Variants in SH3BP4 observed in about 807,000 individuals in gnomAD.
The protein encoded by SH3BP4 is SH3 domain-binding protein 4.
SH3BP4 carries 33 observed loss-of-function variants against 65.5 expected under a neutral mutation model. That is an observed-to-expected ratio of 0.50 (90% CI 0.38 to 0.67). SH3BP4 has a LOEUF of 0.67. SH3BP4 is among the 30% of genes least tolerant of loss of function. The pLI, the probability that SH3BP4 is intolerant of heterozygous loss-of-function variation, is 0.00. For missense variants in SH3BP4, 1,134 were observed against 1,261.4 expected (o/e 0.90, Z 1.53); for synonymous variants, 552 against 545.5 (o/e 1.01, Z -0.17).
intron 1 of SH3BP4, among the ~76,000 whole-genome samples, chr2:234,988,141 C>T (rs891981194): frequency 1.3e-5 from 2 of 152,092 alleles, no homozygotes; most frequent in African/African-American, 4.8e-5. Context: ...CTCACTGCAT[C>T]CTTCGCCTCC....
chr2:235,029,459 C>T (rs1293983004), intron 2 of SH3BP4, among the ~76,000 whole-genome samples: 1 of 152,186 alleles, frequency 6.6e-6, no homozygotes. Flanking sequence ...GCCATGTCCA[C>T]CTGTGCTTTG....
chr2:235,001,370 T>C (rs1050631321), intron 2 of SH3BP4, among the ~76,000 whole-genome samples: 2 of 152,142 alleles, frequency 1.3e-5, no homozygotes, highest in African/African-American at 2.4e-5. Flanking sequence ...ACCTCTGAGC[T>C]GGAGGAAGGC....
chr2:235,041,537 G>A lies in SH3BP4; in HGVS notation c.768G>A (p.Lys256=). 6.2e-7 allele frequency: 1 copy of A among 1,614,138 alleles called. No homozygotes were observed. The highest frequency in any genetic ancestry group is 2.2e-5 in the East Asian group (1 of 44,878). The change falls in exon 4 of 6, where the codon AAG becomes AAA. Residue 256 remains lysine (K), a synonymous_variant. Transcript: ENST00000392011. The surrounding 1 kb of genome is among the most constrained non-coding windows in gnomAD (Gnocchi z 6.0). ...CGGAACTCTCCGTCCTCCAAGCCAA[G>A]TCCGATGCTCCCACATCGTCGAGTT... The part of the protein sequence containing the change: ...SLSELSVLQA[K]SDAPTSSSFF...
In SH3BP4 at chr2:234,977,644, A is replaced by G. The variant is rs1693208314; in HGVS notation, c.-206-17659A>G. Among the ~76,000 whole-genome samples, 1 of 152,132 alleles carries G rather than the reference A, an allele frequency of 6.6e-6. No individual in the cohort carries two copies. Among genetic ancestry groups the G allele is most frequent in the Non-Finnish European group, 1.5e-5 (1 of 68,024 alleles). ...TAGGGGTGAGTGGATGGAAAACAGGATGAGAGTGTCTCTCCCCCAAAGAGG... is the reference window on the plus strand; with the variant it reads ...TAGGGGTGAGTGGATGGAAAACAGGGTGAGAGTGTCTCTCCCCCAAAGAGG... On this transcript the variant is annotated intron_variant, in intron 1 of 5. Transcript: ENST00000392011. This position sits in a 1 kb window ranked among gnomAD's most constrained non-coding sequence, Gnocchi z 5.1.
chr2:234,971,998 G>C (rs1343333457), intron 1 of SH3BP4, among the ~76,000 whole-genome samples: 1 of 151,040 alleles, frequency 6.6e-6, no homozygotes. Flanking sequence ...TGTATTTTTA[G>C]TAGAGACGGG....
intron 3 of SH3BP4, among the ~76,000 whole-genome samples, chr2:235,038,100 C>G (rs1251555115): frequency 6.7e-6 from 1 of 149,306 alleles, no homozygotes; most frequent in Non-Finnish European, 1.5e-5. Context: ...GCAAACAAAA[C>G]AGGCTCTAAT....
chr2:235,013,955 A>G lies in SH3BP4; in HGVS notation c.-133+18579A>G, dbSNP rs576859381. On this transcript the variant is annotated intron_variant, in intron 2 of 5. Coordinates refer to ENST00000392011, the MANE Select transcript of SH3BP4 (RefSeq NM_014521.3). ...CTAGGATTGATTTCAGATGCAAATG[A>G]TTACTACTATCTACCATATATAAAC... Among the ~76,000 whole-genome samples the G allele has an allele frequency of 3.5e-4, 53 of 152,276 alleles. 1 individual carries two copies. The highest frequency in any genetic ancestry group is 2.2e-3 in the Admixed American group (34 of 15,296).
intron 2 of SH3BP4, among the ~76,000 whole-genome samples, chr2:235,016,757 C>G (rs1694696246): frequency 6.6e-6 from 1 of 152,222 alleles, no homozygotes; most frequent in South Asian, 2.1e-4. Context: ...GATCCACCCA[C>G]CTCGGCCTCC....
chr2:234,988,266 A>C (rs113169153), intron 1 of SH3BP4, among the ~76,000 whole-genome samples: 2 of 152,034 alleles, frequency 1.3e-5, no homozygotes, highest in Admixed American at 1.3e-4. Context: ...TCACCGTGTT[A>C]GCCAGGATAG....
In SH3BP4 at chr2:235,042,909, G is replaced by T. The variant is rs763161380; in HGVS notation, c.2140G>T (p.Val714Leu). 6.2e-7 allele frequency: 1 copy of T among 1,613,322 alleles called. No individual in the cohort carries two copies. Residue 714 changes from valine (V) to leucine (L), a missense_variant, in exon 4 of 6, where the codon GTG (valine) becomes TTG (leucine). By Grantham distance (32) the Val-to-Leu change is conservative. Transcript: ENST00000392011. The surrounding 1 kb of genome is among the most constrained non-coding windows in gnomAD (Gnocchi z 7.3). ...CTACTACCAGGGCAGGGTGGGCCTC[G>T]TGCACACCAAGAACGTGCTGGTGGT... The part of the protein sequence containing the change: ...IGYYQGRVGL[V>L]HTKNVLVVGR...
Position 234,998,817 on chromosome 2 carries a change from C to T in SH3BP4, c.-133+3441C>T, listed in dbSNP as rs566579484. 7.9e-5 allele frequency among the ~76,000 whole-genome samples: 12 copies of T among 152,338 alleles called. No individual in the cohort carries two copies. The South Asian group carries it at 2.5e-3, about 32-fold the overall frequency. On this transcript the variant is annotated intron_variant, in intron 2 of 5. Coordinates refer to ENST00000392011, the MANE Select transcript of SH3BP4 (RefSeq NM_014521.3). ...CTTCGATCTGTGACAGAGATCCTGG[C>T]TTTCATACATCCTTGGGACAGAGAA... is the stretch of plus-strand genomic sequence containing the variant.
chr2:234,961,992 G>A (rs1253888260), intron 1 of SH3BP4, among the ~76,000 whole-genome samples: 1 of 152,124 alleles, frequency 6.6e-6, no homozygotes, highest in African/African-American at 2.4e-5. Context: ...GCAAGTGCCG[G>A]AGGCCCCTGT....
chr2:234,970,044 TACTC>T (rs549448761), intron 1 of SH3BP4, among the ~76,000 whole-genome samples: 1,834 of 143,402 alleles, frequency 0.013, 14 homozygotes, highest in Non-Finnish European at 0.015. Context: ...CAAATACACT[TACTC>T]ACACACACTC....
chr2:234,972,490 TGA>T lies in SH3BP4; in HGVS notation c.-207+20322_-207+20323del, dbSNP rs1256471005. 2.0e-5 allele frequency among the ~76,000 whole-genome samples: 3 copies of T among 152,086 alleles called. No individual in the cohort carries two copies. In the East Asian group the frequency reaches 5.8e-4, roughly 29 times the overall value. On this transcript the variant is annotated intron_variant, in intron 1 of 5. Coordinates refer to ENST00000392011, the MANE Select transcript of SH3BP4 (RefSeq NM_014521.3). ...GAGATGGAGGAGGGAGGAGGGAAGC[TGA>T]GGCAGGAGGATCGCTTGAGCCCATC...
At position 234,961,532 on chromosome 2, in the gene SH3BP4, C is replaced by G. The variant is rs372297298; in HGVS notation, c.-207+9362C>G. Among the ~76,000 whole-genome samples, 883 of 152,142 alleles carry G rather than the reference C, an allele frequency of 5.8e-3. 6 individuals carry two copies. The highest frequency in any genetic ancestry group is 0.02 in the African/African-American group (848 of 41,522). ...GGTGATCCACCTGCCTCAGCCTCCCCGGGTGCTGGGATTACAGGTGTGAGC... is the reference window on the plus strand; with the variant it reads ...GGTGATCCACCTGCCTCAGCCTCCCGGGGTGCTGGGATTACAGGTGTGAGC... On this transcript the variant is annotated intron_variant, in intron 1 of 5. Transcript: ENST00000392011.
chr2:235,036,793 C>T (rs968599298), intron 3 of SH3BP4, among the ~76,000 whole-genome samples: 21 of 146,814 alleles, frequency 1.4e-4, no homozygotes, highest in Non-Finnish European at 3.0e-4. Context: ...GCTGTTATCC[C>T]TAAAAGAATC....
rs1695161094 is a variant in SH3BP4, at chr2:235,030,822, C to T, written c.-132-4049C>T. ...TCCCTTTCAGCCCTCGGTGTGACTC[C>T]ACCTGCTCAGGAAGGTTTTGGGAGT... On this transcript the variant is annotated intron_variant, in intron 2 of 5. Transcript: ENST00000392011. The surrounding 1 kb of genome is among the most constrained non-coding windows in gnomAD (Gnocchi z 4.1). 6.6e-6 allele frequency among the ~76,000 whole-genome samples: 1 copy of T among 152,144 alleles called. No homozygotes were observed. The highest frequency in any genetic ancestry group is 6.5e-5 in the Admixed American group (1 of 15,276).
intron 1 of SH3BP4, among the ~76,000 whole-genome samples, chr2:234,993,244 C>T (rs1195533266): frequency 6.6e-6 from 1 of 152,336 alleles, no homozygotes; most frequent in South Asian, 2.1e-4. Context: ...TGGGGTGATC[C>T]GTTCTGTGTC....
Position 235,033,003 on chromosome 2 carries a change from G to A in SH3BP4, c.-132-1868G>A, listed in dbSNP as rs963119678. ...CTGTGAATAACTGGCCTGGGTGAGT[G>A]CTGGCCTCCACTCTGCCCCTCCTTA... is the stretch of plus-strand genomic sequence containing the variant. On this transcript the variant is annotated intron_variant, in intron 2 of 5. Transcript: ENST00000392011. The surrounding 1 kb of genome is among the most constrained non-coding windows in gnomAD (Gnocchi z 5.7). 6.6e-6 allele frequency among the ~76,000 whole-genome samples: 1 copy of A among 152,200 alleles called. No individual in the cohort carries two copies. Among genetic ancestry groups the A allele is most frequent in the Non-Finnish European group, 1.5e-5 (1 of 68,022 alleles).
Sources: allele counts gnomAD v4.1 joint callset (sites outside exome capture counted in the v4.1 genomes callset), GRCh38; gene constraint gnomAD v4.1.1; non-coding constraint Gnocchi (gnomAD v3.1); transcripts MANE v1.5; gene names NCBI Gene and HGNC (gene_info 2026-07-23, HGNC 2026-07-21).